Variants in DDC observed in about 807,000 individuals in gnomAD.
The protein encoded by DDC is aromatic-L-amino-acid decarboxylase.
DDC carries 43 observed loss-of-function variants against 60.0 expected under a neutral mutation model. That is an observed-to-expected ratio of 0.72 (90% CI 0.56 to 0.92). DDC has a LOEUF of 0.92. Ranked by LOEUF, DDC falls within the 40% of genes least tolerant of loss-of-function variation. The pLI is 0.00. For synonymous variants in DDC, 232 were observed against 234.6 expected, an observed-to-expected ratio of 0.99 and a Z score of 0.10; for missense variants, 573 against 620.2, an observed-to-expected ratio of 0.92 and a Z score of 0.81.
At chr7:50,470,274 C>T (rs550196036) in intron 11 of DDC, 103 bp from the exon 12 acceptor site, 3 of 862,384 alleles carry the variant, frequency 3.5e-6, no homozygotes, top group African/African-American at 3.3e-5. Context: ...CAGCCGATTC[C>T]CTGGTGGCCA....
intron 11 of DDC, among the ~76,000 whole-genome samples, chr7:50,476,002 T>C (rs2042635424): frequency 6.6e-6 from 1 of 152,140 alleles, no homozygotes; most frequent in Non-Finnish European, 1.5e-5. Context: ...AGGTCATCTC[T>C]TGATGGCAGA....
chr7:50,494,572 C>T (rs2043082319), intron 9 of DDC, among the ~76,000 whole-genome samples: 1 of 148,884 alleles, frequency 6.7e-6, no homozygotes, highest in African/African-American at 2.5e-5. Flanking sequence ...ACCCGGGCGA[C>T]AGAGTGAGAC....
intron 10 of DDC, chr7:50,477,584 G>A (rs748724396): frequency 2.2e-6 from 1 of 455,256 alleles, no homozygotes; most frequent in South Asian, 1.6e-5. Context: ...TGCCTACATT[G>A]TATTTACAAG....
intron 6 of DDC, among the ~76,000 whole-genome samples, chr7:50,515,722 G>T (rs1040122679): frequency 6.6e-6 from 1 of 152,072 alleles, no homozygotes; most frequent in Non-Finnish European, 1.5e-5. Context: ...AAACTTAAGG[G>T]GTGGAAAAAG....
chr7:50,565,123 A>G (rs2045400760), intron 1 of DDC, among the ~76,000 whole-genome samples, 162 bp downstream of exon 1: 1 of 152,204 alleles, frequency 6.6e-6, no homozygotes, highest in Admixed American at 6.5e-5. Flanking sequence ...CCACTGAACA[A>G]AAACCCCTGC....
Position 50,513,671 on chromosome 7 carries a change from T to C in DDC, c.715-9612A>G, listed in dbSNP as rs536301742. 1.4e-4 allele frequency among the ~76,000 whole-genome samples: 22 copies of C among 152,122 alleles called. No individual in the cohort carries two copies. In the South Asian group the frequency reaches 4.4e-3, roughly 30 times the overall value. On this transcript the variant is annotated intron_variant, in intron 6 of 14. Coordinates refer to ENST00000444124, the MANE Select transcript of DDC (RefSeq NM_001082971.2). ...AGGGAGACAGGCCCTTCGGTTTGTGTGGGAGCTGGGTGAGGGCTGTGACTG... is the reference window on the plus strand; with the variant it reads ...AGGGAGACAGGCCCTTCGGTTTGTGCGGGAGCTGGGTGAGGGCTGTGACTG...
chr7:50,461,001 A>ACAT (rs1038586493), intron 14 of DDC, among the ~76,000 whole-genome samples: 4 of 151,470 alleles, frequency 2.6e-5, no homozygotes, highest in African/African-American at 9.7e-5. Context: ...TTGTCCTATG[A>ACAT]CCCTGCCAAA....
chr7:50,460,266 C>G (rs562746026), intron 14 of DDC, among the ~76,000 whole-genome samples: 6 of 145,626 alleles, frequency 4.1e-5, no homozygotes, highest in Non-Finnish European at 7.6e-5. Context: ...CCTGCCGCCC[C>G]GTCCGGGAGG....
At chr7:50,504,349 T>C (rs1173926780) in intron 6 of DDC, among the ~76,000 whole-genome samples, 2 of 152,176 alleles carry the variant, frequency 1.3e-5, no homozygotes, top group Admixed American at 1.3e-4. Context: ...CATGAAGCAA[T>C]CTACCACCTG....
intron 6 of DDC, among the ~76,000 whole-genome samples, chr7:50,527,353 C>T (rs1031074019): frequency 6.6e-6 from 1 of 152,032 alleles, no homozygotes; most frequent in Non-Finnish European, 1.5e-5. Context: ...TGTGTTTTGA[C>T]AGATTTATTT....
intron 6 of DDC, among the ~76,000 whole-genome samples, chr7:50,525,760 T>A (rs1340403041): frequency 7.2e-6 from 1 of 138,772 alleles, no homozygotes; most frequent in Non-Finnish European, 1.6e-5. Flanking sequence ...TGAGACTCTG[T>A]CTCAAAAAAA....
At chr7:50,464,446 G>A (rs778928969) in intron 13 of DDC, among the ~76,000 whole-genome samples, 19 of 152,162 alleles carry the variant, frequency 1.2e-4, no homozygotes, top group Non-Finnish European at 2.5e-4. Flanking sequence ...CACCAAGGCT[G>A]GGTGAATCTG....
intron 9 of DDC, among the ~76,000 whole-genome samples, chr7:50,491,855 G>A (rs78334757): frequency 2.0e-3 from 307 of 152,064 alleles, no homozygotes; most frequent in African/African-American, 6.8e-3. Context: ...AAATACTGCC[G>A]GCCTCAAAAT....
In DDC at chr7:50,555,099, C is replaced by T. The variant is rs753834006; in HGVS notation, c.-29+10186G>A. On this transcript the variant is annotated intron_variant, in intron 1 of 14. Transcript: ENST00000444124. ...TCCTGGAACCAGGATCCAGGCTGTCCGTGCAAAGCTGCCACCAGGTCAGGC... is the reference window on the plus strand; with the variant it reads ...TCCTGGAACCAGGATCCAGGCTGTCTGTGCAAAGCTGCCACCAGGTCAGGC... 1.7e-4 allele frequency among the ~76,000 whole-genome samples: 26 copies of T among 152,102 alleles called. 1 individual carries two copies. Among genetic ancestry groups the T allele is most frequent in the Admixed American group, 1.7e-3 (26 of 15,268 alleles).
chr7:50,559,707 C>T (rs920111110), intron 1 of DDC, among the ~76,000 whole-genome samples: 68 of 152,214 alleles, frequency 4.5e-4, no homozygotes, highest in African/African-American at 1.6e-3. Context: ...GGATTACAGG[C>T]GTGAGCCACT....
intron 12 of DDC, among the ~76,000 whole-genome samples, chr7:50,468,145 G>C (rs1221636323): frequency 6.6e-6 from 1 of 152,248 alleles, no homozygotes; most frequent in African/African-American, 2.4e-5. Context: ...GCGCCTCGCG[G>C]GCAGGGGGTG....
intron 1 of DDC, among the ~76,000 whole-genome samples, chr7:50,549,189 C>G (rs1015062877): frequency 6.6e-6 from 1 of 152,200 alleles, no homozygotes. Flanking sequence ...CCTGCTAACT[C>G]GACATCCATT....
intron 1 of DDC, among the ~76,000 whole-genome samples, chr7:50,563,586 T>C (rs1323013425): frequency 2.6e-5 from 4 of 152,156 alleles, no homozygotes; most frequent in African/African-American, 9.7e-5. Context: ...AGTAAAACTT[T>C]CATAATTTTA....
chr7:50,506,309 T>C (rs1423505921), intron 6 of DDC, among the ~76,000 whole-genome samples: 1 of 151,958 alleles, frequency 6.6e-6, no homozygotes, highest in South Asian at 2.1e-4. Context: ...TGAATTTGCT[T>C]TTTTTTTACA....
Sources: allele counts gnomAD v4.1 joint callset (sites outside exome capture counted in the v4.1 genomes callset), GRCh38; gene constraint gnomAD v4.1.1; transcripts MANE v1.5; gene names NCBI Gene and HGNC (gene_info 2026-07-23, HGNC 2026-07-21).